PKNOX2: variants seen among roughly 807,000 people sequenced by gnomAD.
The protein encoded by PKNOX2 is PBX/knotted 1 homeobox 2.
In PKNOX2, 14 loss-of-function variants were observed where a neutral mutation model predicts 53.1. The observed-to-expected ratio is 0.26, with a 90% CI of 0.17 to 0.41. PKNOX2 has a LOEUF of 0.41. Ranked by LOEUF, PKNOX2 falls within the 10% of genes least tolerant of loss-of-function variation. The pLI, the probability that PKNOX2 is intolerant of heterozygous loss-of-function variation, is 1.00. For synonymous variants in PKNOX2, 257 were observed against 242.8 expected (o/e 1.06, Z -0.54); for missense variants, 496 against 602.8 (o/e 0.82, Z 1.85).
intron 1 of PKNOX2, among the ~76,000 whole-genome samples, chr11:125,186,161 C>T (rs899836682): frequency 1.4e-4 from 22 of 151,896 alleles, no homozygotes; most frequent in African/African-American, 4.4e-4. Flanking sequence ...TGTTGAATGT[C>T]TTTTCATTAT....
In PKNOX2 at chr11:125,265,011, G is replaced by A. The variant is rs1188344636; in HGVS notation, c.-130+29896G>A. On this transcript the variant is annotated intron_variant, in intron 2 of 12. Transcript: ENST00000298282. Reference sequence around the variant, plus strand: ...TAAAACAGTTACAGGGCTTATGGCCGGGCATGGTGGCTCAAGCCTGTAATC... The same window carrying A: ...TAAAACAGTTACAGGGCTTATGGCCAGGCATGGTGGCTCAAGCCTGTAATC... Among the ~76,000 whole-genome samples, 5 of 152,218 alleles carry A rather than the reference G, an allele frequency of 3.3e-5. No individual in the cohort carries two copies. In the East Asian group the frequency reaches 9.7e-4, roughly 30 times the overall value.
At chr11:125,198,822 CCTTCTT>C (rs200495085) in intron 1 of PKNOX2, among the ~76,000 whole-genome samples, 24 of 147,422 alleles carry the variant, frequency 1.6e-4, no homozygotes, top group African/African-American at 4.4e-4. Context: ...TCCTCCTCTT[CCTTCTT>C]CTTCTTCTTC....
chr11:125,298,441 G>C (rs547312074), intron 2 of PKNOX2, among the ~76,000 whole-genome samples: 2 of 152,118 alleles, frequency 1.3e-5, no homozygotes. Context: ...CTCACCCCTC[G>C]GCCTGGCCAC....
At chr11:125,332,325 G>T (rs558837769) in intron 3 of PKNOX2, among the ~76,000 whole-genome samples, 62 of 152,152 alleles carry the variant, frequency 4.1e-4, no homozygotes, top group African/African-American at 1.4e-3. Context: ...GCAGTTCCAG[G>T]ACCCCAAAGC....
chr11:125,357,948 C>T (rs1951707856), intron 4 of PKNOX2, among the ~76,000 whole-genome samples: 1 of 152,176 alleles, frequency 6.6e-6, no homozygotes, highest in African/African-American at 2.4e-5. Flanking sequence ...GTGCTGTGTA[C>T]TGGGGTGCAA....
chr11:125,320,758 A>T (rs1949473622), intron 2 of PKNOX2, among the ~76,000 whole-genome samples: 1 of 152,214 alleles, frequency 6.6e-6, no homozygotes, highest in African/African-American at 2.4e-5. Context: ...GGTCAAAAAA[A>T]TCCCCACACT....
chr11:125,302,055 A>C (rs1318757732), intron 2 of PKNOX2, among the ~76,000 whole-genome samples: 2 of 152,202 alleles, frequency 1.3e-5, no homozygotes, highest in Non-Finnish European at 2.9e-5. Flanking sequence ...ATGGCATCTC[A>C]GACGCAGTTC....
chr11:125,290,533 C>T (rs1947241585), intron 2 of PKNOX2, among the ~76,000 whole-genome samples: 1 of 152,202 alleles, frequency 6.6e-6, no homozygotes, highest in South Asian at 2.1e-4. Context: ...ATCCAAGAGT[C>T]TACTCCACAA....
intron 1 of PKNOX2, among the ~76,000 whole-genome samples, chr11:125,175,235 GGAAGGAAGGAAGGAAA>G (rs1387450796): frequency 0.013 from 1,885 of 149,704 alleles, 22 homozygotes; most frequent in Middle Eastern, 0.021. Context: ...AAGGAAGGAA[GGAAGGAAGGAAGGAAA>G]GAAGGAAGGA....
Position 125,351,366 on chromosome 11 carries a change from C to G in PKNOX2, c.61C>G (p.Pro21Ala), listed in dbSNP as rs1390169811. Residue 21 changes from proline to alanine, a missense_variant, in exon 4 of 13, where the codon CCC becomes GCC. Transcript: ENST00000298282. ...LTMMATQNVP[P>A]PPYQDSPQMT... ...GATGATGGCCACGCAGAATGTCCCG[C>G]CCCCACCCTACCAGGACAGCCCACA... The G allele has an allele frequency of 1.2e-6, 2 of 1,604,622 alleles. No homozygotes were observed. The highest frequency in any genetic ancestry group is 1.7e-5 in the Admixed American group (1 of 59,678).
At chr11:125,374,362 G>A (rs989038742) in intron 5 of PKNOX2, among the ~76,000 whole-genome samples, 7 of 152,110 alleles carry the variant, frequency 4.6e-5, no homozygotes, top group Non-Finnish European at 8.8e-5. Context: ...TGTGGGATGG[G>A]GGTTCTTCTG....
intron 5 of PKNOX2, among the ~76,000 whole-genome samples, chr11:125,376,241 A>G (rs1397134912): frequency 6.6e-6 from 1 of 152,216 alleles, no homozygotes; most frequent in Non-Finnish European, 1.5e-5. Context: ...TGCAGCTCCA[A>G]TTTAGCAACT....
rs192880248 is a variant in PKNOX2, at chr11:125,384,633, C to T, written c.228-918C>T. Among the ~76,000 whole-genome samples, 104 of 152,180 alleles carry T rather than the reference C, an allele frequency of 6.8e-4. No individual in the cohort carries two copies. The Middle Eastern group carries it at 0.014, about 20-fold the overall frequency. Reference sequence around the variant, plus strand: ...CAGGGAGGGAGAGCTTGCAGTGAGCCGAGTTCAAGCCACTGCACTCCAGCC... The same window carrying T: ...CAGGGAGGGAGAGCTTGCAGTGAGCTGAGTTCAAGCCACTGCACTCCAGCC... On this transcript the variant is annotated intron_variant, in intron 5 of 12. Coordinates refer to ENST00000298282, the MANE Select transcript of PKNOX2 (RefSeq NM_001382323.2).
chr11:125,219,756 G>T (rs1480985263), intron 1 of PKNOX2, among the ~76,000 whole-genome samples: 1 of 152,186 alleles, frequency 6.6e-6, no homozygotes, highest in Non-Finnish European at 1.5e-5. Context: ...CAAAAAATTT[G>T]ATATCGCATT....
chr11:125,242,976 G>C (rs1943275467), intron 2 of PKNOX2, among the ~76,000 whole-genome samples: 1 of 152,186 alleles, frequency 6.6e-6, no homozygotes, highest in Admixed American at 6.5e-5. Flanking sequence ...TATTTACTTA[G>C]CTGGGAACTT....
chr11:125,432,466 A>T lies in PKNOX2; in HGVS notation c.*1074A>T, dbSNP rs1781914538. ...ATTGGAAAGCATCTAGTCCAGTGGG[A>T]AGCCAGGGGTTGGAGAAGGTGCTAC... On this transcript the variant is annotated 3_prime_UTR_variant, in exon 13 of 13. Coordinates refer to ENST00000298282, the MANE Select transcript of PKNOX2 (RefSeq NM_001382323.2). The T allele has an allele frequency of 6.5e-6, 1 of 152,678 alleles. No individual in the cohort carries two copies. The highest frequency in any genetic ancestry group is 1.5e-5 in the Non-Finnish European group (1 of 68,066). The allele number at this position is 152,678 out of a possible 1,614,324, so 9.5% of individuals were successfully genotyped here.
intron 3 of PKNOX2, chr11:125,332,656 G>A (rs1274554150): frequency 6.6e-6 from 1 of 152,008 alleles, no homozygotes; most frequent in African/African-American, 2.4e-5. Context: ...GTGAGATTGG[G>A]CCCCAACTCC....
intron 2 of PKNOX2, among the ~76,000 whole-genome samples, chr11:125,267,437 C>G (rs1945444225): frequency 6.6e-6 from 1 of 152,206 alleles, no homozygotes; most frequent in East Asian, 1.9e-4. Flanking sequence ...TGGGCCATCT[C>G]TTTCCTTGCC....
At chr11:125,327,782 T>C (rs1949913410) in intron 2 of PKNOX2, among the ~76,000 whole-genome samples, 1 of 152,174 alleles carries the variant, frequency 6.6e-6, no homozygotes, top group Non-Finnish European at 1.5e-5. Context: ...TAGCTTTCTG[T>C]AGGCTGTTGG....
Sources: allele counts gnomAD v4.1 joint callset (sites outside exome capture counted in the v4.1 genomes callset), GRCh38; gene constraint gnomAD v4.1.1; transcripts MANE v1.5; gene names NCBI Gene and HGNC (gene_info 2026-07-23, HGNC 2026-07-21).